The following TEAD1 variants were observed in gnomAD, a reference collection of about 807,000 sequenced individuals.
TEAD1 encodes the protein TEA domain transcription factor 1.
TEAD1 carries 9 observed loss-of-function variants against 54.9 expected under a neutral mutation model. The ratio of observed to expected loss-of-function variants is 0.16; its 90% CI spans 0.10 to 0.29. The LOEUF is 0.29. Ranked by LOEUF, TEAD1 falls within the 10% of genes least tolerant of loss-of-function variation. The pLI is 1.00. For missense variants in TEAD1, 387 were observed against 535.9 expected (o/e 0.72, Z 2.74); for synonymous variants, 200 against 187.8 (o/e 1.07, Z -0.53).
At chr11:12,806,058 C>A (rs1362583682) in intron 3 of TEAD1, among the ~76,000 whole-genome samples, 1 of 152,082 alleles carries the variant, frequency 6.6e-6, no homozygotes. Flanking sequence ...GAGCCTGAGG[C>A]AAAGAGTGTC....
At chr11:12,711,770 G>C (rs1943944240) in intron 2 of TEAD1, among the ~76,000 whole-genome samples, 1 of 152,222 alleles carries the variant, frequency 6.6e-6, no homozygotes, top group South Asian at 2.1e-4. Context: ...TAAAGGCAAA[G>C]TAGCAAAGAT....
intron 2 of TEAD1, among the ~76,000 whole-genome samples, chr11:12,704,743 G>A (rs1448019051): frequency 6.6e-6 from 1 of 152,210 alleles, no homozygotes; most frequent in East Asian, 1.9e-4. Context: ...AGCTCTCAAA[G>A]TGTGCTTGCA....
chr11:12,727,983 T>A (rs753836035), intron 2 of TEAD1, among the ~76,000 whole-genome samples: 2 of 152,162 alleles, frequency 1.3e-5, no homozygotes, highest in African/African-American at 2.4e-5. Context: ...ATTATACCAC[T>A]GTTTCCTGAA....
chr11:12,879,759 G>T lies in TEAD1; in HGVS notation c.382G>T (p.Ala128Ser), dbSNP rs988376900. ...GCAGCACATGGCGGCCATGTCCTCA[G>T]CCCAGATCGTCTCGGCCACTGCCAT... The change falls in exon 6 of 13, where the codon GCC becomes TCC. Residue 128 changes from alanine (A) to serine (S), a missense_variant. Transcript: ENST00000527636. 5 of 1,614,088 alleles carry T rather than the reference G, an allele frequency of 3.1e-6. No individual in the cohort carries two copies. The African/African-American group carries it at 6.7e-5, about 22-fold the overall frequency.
At chr11:12,918,611 C>T (rs1474193335) in intron 10 of TEAD1, among the ~76,000 whole-genome samples, 5 of 151,900 alleles carry the variant, frequency 3.3e-5, no homozygotes, top group African/African-American at 9.7e-5. Context: ...ATAAAATGCA[C>T]GTAGACTCTA....
intron 10 of TEAD1, among the ~76,000 whole-genome samples, chr11:12,924,565 C>G (rs938294761): frequency 1.3e-5 from 2 of 152,066 alleles, no homozygotes; most frequent in Non-Finnish European, 2.9e-5. Flanking sequence ...AAAAATATCT[C>G]TAAAGATGAG....
At chr11:12,768,079 C>G (rs1945243796) in intron 3 of TEAD1, among the ~76,000 whole-genome samples, 1 of 152,098 alleles carries the variant, frequency 6.6e-6, no homozygotes, top group Non-Finnish European at 1.5e-5. Context: ...TCAGATAGAC[C>G]CCATAATCAA....
chr11:12,706,515 G>A (rs557735778), intron 2 of TEAD1, among the ~76,000 whole-genome samples: 85 of 152,294 alleles, frequency 5.6e-4, no homozygotes, highest in African/African-American at 2.0e-3. Context: ...ACATAATTCA[G>A]ATAAATTATC....
intron 3 of TEAD1, chr11:12,849,359 T>C (rs1355817078): frequency 1.3e-5 from 2 of 152,224 alleles, no homozygotes; most frequent in Non-Finnish European, 2.9e-5. Flanking sequence ...AGCCCAACTT[T>C]CTATAGCCTC....
chr11:12,865,085 G>A lies in TEAD1; in HGVS notation c.330+185G>A. ...ACTAGCCTCACATTAAACTCAATGT[G>A]TGTGAGCGCGTGTGTGTGTTTGCGT... On this transcript the variant is annotated intron_variant, in intron 5 of 12. Transcript: ENST00000527636. The A allele has an allele frequency of 2.9e-6, 2 of 694,494 alleles. 1 individual carries two copies. Among genetic ancestry groups the A allele is most frequent in the East Asian group, 5.5e-5 (2 of 36,226 alleles). The allele number at this position is 694,494 out of a possible 1,614,324, so 43.0% of individuals were successfully genotyped here. A position where few individuals can be genotyped will look rare whatever the true frequency, so the allele number is the denominator to read the frequency against.
intron 3 of TEAD1, among the ~76,000 whole-genome samples, chr11:12,815,938 T>C (rs1374473522): frequency 3.3e-5 from 5 of 152,232 alleles, no homozygotes; most frequent in Admixed American, 6.5e-5. Flanking sequence ...GACGTAGAGC[T>C]AATCCTTTTA....
At chr11:12,884,315 T>G (rs1948041794) in intron 9 of TEAD1, among the ~76,000 whole-genome samples, 1 of 152,166 alleles carries the variant, frequency 6.6e-6, no homozygotes, top group South Asian at 2.1e-4. Flanking sequence ...AAGGAATCCT[T>G]AGTTTGTCTC....
chr11:12,694,923 A>G (rs540707984), intron 2 of TEAD1, among the ~76,000 whole-genome samples: 1 of 152,206 alleles, frequency 6.6e-6, no homozygotes, highest in Non-Finnish European at 1.5e-5. Context: ...AAAATTTGAG[A>G]TGATGAGCAG....
chr11:12,794,515 T>C (rs1022734218), intron 3 of TEAD1, among the ~76,000 whole-genome samples: 2 of 152,218 alleles, frequency 1.3e-5, no homozygotes, highest in African/African-American at 2.4e-5. Context: ...CTTTTCGACA[T>C]GTGACAGCCT....
At chr11:12,741,595 C>G (rs1944649858) in intron 2 of TEAD1, among the ~76,000 whole-genome samples, 1 of 152,148 alleles carries the variant, frequency 6.6e-6, no homozygotes, top group South Asian at 2.1e-4. Context: ...TATGCTTATT[C>G]TGCTCTGTAA....
chr11:12,719,160 C>A (rs1230892050), intron 2 of TEAD1, among the ~76,000 whole-genome samples: 1 of 151,960 alleles, frequency 6.6e-6, no homozygotes, highest in Non-Finnish European at 1.5e-5. Flanking sequence ...AAGCCCCCTC[C>A]TCCGCAGCCT....
At chr11:12,870,421 A>G (rs1187273195) in intron 5 of TEAD1, among the ~76,000 whole-genome samples, 1 of 152,122 alleles carries the variant, frequency 6.6e-6, no homozygotes, top group South Asian at 2.1e-4. Flanking sequence ...GAGAGTAGAG[A>G]CAAAGCGTCA....
At chr11:12,778,392 A>G (rs1419923124) in intron 3 of TEAD1, among the ~76,000 whole-genome samples, 2 of 151,924 alleles carry the variant, frequency 1.3e-5, no homozygotes, top group Non-Finnish European at 2.9e-5. Flanking sequence ...TTGCTTTGTA[A>G]ACTCCTACTG....
intron 12 of TEAD1, among the ~76,000 whole-genome samples, chr11:12,935,441 A>ATTAT (rs372268851): frequency 0.044 from 6,517 of 149,628 alleles, 197 homozygotes; most frequent in African/African-American, 0.076. Context: ...TCATTCAGCA[A>ATTAT]TTATTTATTT....
Sources: gnomAD v4.1 joint callset for allele counts (sites outside exome capture counted in the v4.1 genomes callset) on GRCh38, gnomAD v4.1.1 for gene constraint, MANE v1.5 for transcripts, NCBI Gene and HGNC (gene_info 2026-07-23, HGNC 2026-07-21) for gene names.